The following SLCO1B1 variants were observed in gnomAD, a reference collection of about 807,000 sequenced individuals.
SLCO1B1 encodes OATP-2.
A neutral mutation model predicts 70.1 loss-of-function variants in SLCO1B1; 81 were observed. The ratio of observed to expected loss-of-function variants is 1.16; its 90% CI spans 0.97 to 1.39. The LOEUF (loss-of-function observed/expected upper bound fraction) is 1.39, where lower values mean the gene tolerates loss of function less well. SLCO1B1 is among the 40% of genes most tolerant of loss of function. The pLI is 0.00. For missense variants in SLCO1B1, 895 were observed against 799.6 expected, an observed-to-expected ratio of 1.12 and a Z score of -1.44; for synonymous variants, 283 against 271.5, an observed-to-expected ratio of 1.04 and a Z score of -0.42.
At chr12:21,141,261 ATTAC>A (rs4149091) in intron 1 of SLCO1B1, among the ~76,000 whole-genome samples, 27,768 of 151,714 alleles carry the variant, frequency 0.18, 3,185 homozygotes, top group Middle Eastern at 0.31. Context: ...GTGATTCTAT[ATTAC>A]TTACTTGTTT....
At chr12:21,139,524 A>G (rs1385260869) in intron 1 of SLCO1B1, among the ~76,000 whole-genome samples, 1 of 152,120 alleles carries the variant, frequency 6.6e-6, no homozygotes, top group Non-Finnish European at 1.5e-5. Context: ...ACTATCCCTT[A>G]AATATGTATT....
intron 14 of SLCO1B1, among the ~76,000 whole-genome samples, chr12:21,232,622 C>T (rs1464647487): frequency 6.6e-6 from 1 of 152,200 alleles, no homozygotes; most frequent in Non-Finnish European, 1.5e-5. Flanking sequence ...GCACAAAGTA[C>T]ACCAGATTTG....
chr12:21,178,509 G>A, intron 5 of SLCO1B1, 67 bp from the exon 6 acceptor site: 8 of 1,094,612 alleles, frequency 7.3e-6, no homozygotes, highest in Middle Eastern at 2.6e-4. Flanking sequence ...GAGTTTACAA[G>A]TAGTTAAATT....
At position 21,152,580 on chromosome 12, in the gene SLCO1B1, T is replaced by G. The variant is rs150496157; in HGVS notation, c.84+10922T>G. Among the ~76,000 whole-genome samples, 531 of 135,718 alleles carry G rather than the reference T, an allele frequency of 3.9e-3. 6 individuals carry two copies. Among genetic ancestry groups the G allele is most frequent in the East Asian group, 0.033 (132 of 3,980 alleles). The allele number at this position is 135,718 out of a possible 152,430, so 89.0% of individuals were successfully genotyped here. A position where few individuals can be genotyped will look rare whatever the true frequency, so the allele number is the denominator to read the frequency against. On this transcript the variant is annotated intron_variant, in intron 2 of 14. Coordinates refer to ENST00000256958, the MANE Select transcript of SLCO1B1 (RefSeq NM_006446.5). ...TCTGGACTGTAACCTTCACAAGTGT[T>G]TTTTTAGTATTTTTTTTCCTTCTTG... is the stretch of plus-strand genomic sequence containing the variant.
chr12:21,183,621 C>T (rs2121116927), intron 7 of SLCO1B1, among the ~76,000 whole-genome samples: 1 of 152,268 alleles, frequency 6.6e-6, no homozygotes, highest in Middle Eastern at 3.4e-3. Flanking sequence ...ACTTATACCA[C>T]AGTTAAAGGA....
intron 2 of SLCO1B1, among the ~76,000 whole-genome samples, chr12:21,149,055 A>C (rs1426966314): frequency 1.3e-5 from 2 of 152,028 alleles, no homozygotes; most frequent in African/African-American, 4.8e-5. Flanking sequence ...AATGCTTGTG[A>C]TTTTTACACA....
intron 8 of SLCO1B1, among the ~76,000 whole-genome samples, chr12:21,199,565 G>A (rs1321164034): frequency 2.0e-5 from 3 of 152,250 alleles, no homozygotes; most frequent in Admixed American, 2.0e-4. Flanking sequence ...TGTTATGGTA[G>A]AAGAGCTGTA....
At chr12:21,137,303 G>A (rs956977037) in intron 1 of SLCO1B1, among the ~76,000 whole-genome samples, 1 of 152,160 alleles carries the variant, frequency 6.6e-6, no homozygotes, top group Non-Finnish European at 1.5e-5. Flanking sequence ...GAGGCAGTCT[G>A]CCTGTTCTCA....
At chr12:21,144,939 T>C in intron 2 of SLCO1B1, among the ~76,000 whole-genome samples, 1 of 152,112 alleles carries the variant, frequency 6.6e-6, no homozygotes, top group East Asian at 1.9e-4. Flanking sequence ...GAAAGAATGA[T>C]ACCTGTCACC....
intron 8 of SLCO1B1, among the ~76,000 whole-genome samples, chr12:21,198,473 C>T (rs960635790): frequency 6.6e-6 from 1 of 151,840 alleles, no homozygotes; most frequent in Non-Finnish European, 1.5e-5. Context: ...TTGTCTAAAC[C>T]TATAAGGAGC....
chr12:21,139,890 C>T (rs1283013369), intron 1 of SLCO1B1, among the ~76,000 whole-genome samples: 2 of 151,780 alleles, frequency 1.3e-5, no homozygotes, highest in Non-Finnish European at 2.9e-5. Flanking sequence ...TCGAATGGGC[C>T]CCAAAGATAG....
chr12:21,190,295 C>G (rs2417966), intron 7 of SLCO1B1, among the ~76,000 whole-genome samples: 46,386 of 152,050 alleles, frequency 0.31, 7,676 homozygotes, highest in East Asian at 0.74. Flanking sequence ...TTGGCTCCAG[C>G]CTTTCGGCAT....
intron 10 of SLCO1B1, 133 bp from the exon 11 acceptor site, chr12:21,205,735 T>C (rs1269717376): frequency 9.2e-6 from 6 of 654,450 alleles, no homozygotes; most frequent in South Asian, 2.3e-5. Flanking sequence ...AATTTCTTCA[T>C]ATAAAGAAAA....
chr12:21,155,838 T>A (rs1476123001), intron 2 of SLCO1B1, among the ~76,000 whole-genome samples: 1 of 152,138 alleles, frequency 6.6e-6, no homozygotes. Context: ...ACTGAGGGGA[T>A]TACCTGTAGA....
chr12:21,226,831 T>C (rs1345075847), intron 14 of SLCO1B1, among the ~76,000 whole-genome samples: 1 of 152,130 alleles, frequency 6.6e-6, no homozygotes, highest in African/African-American at 2.4e-5. Flanking sequence ...TATATGGGAC[T>C]TCATACTTTC....
rs565506609 is a variant in SLCO1B1 at position 21,175,592 on chromosome 12, A to G, written c.359+883A>G. 4.6e-5 allele frequency among the ~76,000 whole-genome samples: 7 copies of G among 152,260 alleles called. No homozygotes were observed. In the South Asian group the frequency reaches 1.4e-3, roughly 32 times the overall value. ...ACTCATTGCCAAATCCAGCAATGAC[A>G]TCATTTGCTCACCATATTAAATCCA... On this transcript the variant is annotated intron_variant, in intron 4 of 14. Transcript: ENST00000256958.
rs1281219068 is a variant in SLCO1B1 at position 21,218,539 on chromosome 12, C to T, written c.1682+1236C>T. Among the ~76,000 whole-genome samples, 2 of 151,984 alleles carry T rather than the reference C, an allele frequency of 1.3e-5. 1 individual carries two copies. Among genetic ancestry groups the T allele is most frequent in the South Asian group, 4.2e-4 (2 of 4,812 alleles). ...TGAATTTACAGTTGTTTAATTTTGACCCTGACTGCAAATCTTATCAAATTA... is the reference window on the plus strand; with the variant it reads ...TGAATTTACAGTTGTTTAATTTTGATCCTGACTGCAAATCTTATCAAATTA... On this transcript the variant is annotated intron_variant, in intron 12 of 14. Transcript: ENST00000256958.
intron 11 of SLCO1B1, among the ~76,000 whole-genome samples, chr12:21,214,197 G>C (rs1002075934): frequency 1.8e-3 from 273 of 152,194 alleles, no homozygotes; most frequent in South Asian, 2.3e-3. Flanking sequence ...GTGGTTTTAT[G>C]TACTTTTGGT....
chr12:21,230,119 A>G (rs543925288), intron 14 of SLCO1B1, among the ~76,000 whole-genome samples: 2 of 152,234 alleles, frequency 1.3e-5, no homozygotes, highest in African/African-American at 2.4e-5. Flanking sequence ...TATTGATGTG[A>G]TCATGTCATT....
Sources: gnomAD v4.1 joint callset for allele counts (sites outside exome capture counted in the v4.1 genomes callset) on GRCh38, gnomAD v4.1.1 for gene constraint, MANE v1.5 for transcripts, NCBI Gene and HGNC (gene_info 2026-07-23, HGNC 2026-07-21) for gene names.